Variants in FBXW7 observed in about 807,000 individuals in gnomAD.
FBXW7 encodes F-box/WD repeat-containing protein 7.
A neutral mutation model predicts 86.3 loss-of-function variants in FBXW7; 11 were observed. The ratio of observed to expected loss-of-function variants is 0.13; its 90% CI spans 0.08 to 0.21. The LOEUF is 0.21. Among genes scored for constraint, FBXW7 ranks in the 10% least tolerant of loss-of-function variants. FBXW7 has a pLI of 1.00. For missense variants in FBXW7, 488 were observed against 847.4 expected, an observed-to-expected ratio of 0.58 and a Z score of 5.27; for synonymous variants, 313 against 297.9, an observed-to-expected ratio of 1.05 and a Z score of -0.52.
chr4:152,473,764 C>T lies in FBXW7; in HGVS notation c.-120+61177G>A, dbSNP rs565758251. ...CTCCAAGCATGAAACATGCTTCTTCCAATTCAGATACTTATCTTTCTAAAT... is the reference window on the plus strand; with the variant it reads ...CTCCAAGCATGAAACATGCTTCTTCTAATTCAGATACTTATCTTTCTAAAT... On this transcript the variant is annotated intron_variant, in intron 2 of 13. Coordinates refer to ENST00000281708, the MANE Select transcript of FBXW7 (RefSeq NM_001349798.2). Among the ~76,000 whole-genome samples, 7 of 152,218 alleles carry T rather than the reference C, an allele frequency of 4.6e-5. No individual in the cohort carries two copies. The South Asian group carries it at 1.2e-3, about 27-fold the overall frequency.
chr4:152,373,682 C>G (rs1734212707), intron 4 of FBXW7, among the ~76,000 whole-genome samples: 1 of 152,024 alleles, frequency 6.6e-6, no homozygotes, highest in Non-Finnish European at 1.5e-5. Flanking sequence ...GAAGCCCTTC[C>G]TGAACCACTC....
chr4:152,352,619 T>C (rs1731932484), intron 4 of FBXW7: 1 of 1,613,878 alleles, frequency 6.2e-7, no homozygotes, highest in Non-Finnish European at 8.5e-7. Flanking sequence ...GATTCTAATG[T>C]GGACATGCTC....
intron 2 of FBXW7, among the ~76,000 whole-genome samples, chr4:152,447,219 G>A (rs1385584333): frequency 6.6e-6 from 1 of 152,140 alleles, no homozygotes; most frequent in Non-Finnish European, 1.5e-5. Context: ...TTCTACTACA[G>A]TAAATTGTTA....
intron 2 of FBXW7, among the ~76,000 whole-genome samples, chr4:152,524,542 A>G (rs937296412): frequency 3.3e-5 from 5 of 152,208 alleles, no homozygotes; most frequent in African/African-American, 9.7e-5. Flanking sequence ...CCAATAATCT[A>G]ATCATCATTT....
chr4:152,330,514 C>CA (rs1729455330), intron 9 of FBXW7, among the ~76,000 whole-genome samples: 2 of 151,930 alleles, frequency 1.3e-5, no homozygotes, highest in Admixed American at 1.3e-4. Flanking sequence ...AAAAGATACT[C>CA]AATTTAACTT....
intron 2 of FBXW7, among the ~76,000 whole-genome samples, chr4:152,499,658 AG>A (rs1560972118): frequency 6.6e-6 from 1 of 152,068 alleles, no homozygotes; most frequent in Non-Finnish European, 1.5e-5. Context: ...AACTGCAAAA[AG>A]GGGGCAGCCT....
At chr4:152,328,179 G>A (rs1729230631) in intron 11 of FBXW7, 29 bp downstream of exon 11, 2 of 1,545,498 alleles carry the variant, frequency 1.3e-6, no homozygotes, top group East Asian at 2.5e-5. Flanking sequence ...AGAGGAAGAA[G>A]TCCCAACCAT....
intron 2 of FBXW7, among the ~76,000 whole-genome samples, chr4:152,508,654 C>CAAAAA (rs1206694443): frequency 1.0e-5 from 1 of 95,488 alleles, no homozygotes. Flanking sequence ...CGTGCCACTG[C>CAAAAA]AAAAAAAAAA....
chr4:152,482,833 T>A (rs1302241400), intron 2 of FBXW7, among the ~76,000 whole-genome samples: 3 of 152,176 alleles, frequency 2.0e-5, no homozygotes, highest in Non-Finnish European at 2.9e-5. Flanking sequence ...TTCCTAATAA[T>A]ATTAATAGGT....
At chr4:152,370,472 G>C (rs1388287002) in intron 4 of FBXW7, among the ~76,000 whole-genome samples, 1 of 151,906 alleles carries the variant, frequency 6.6e-6, no homozygotes, top group African/African-American at 2.4e-5. Context: ...ACTTGAGGAA[G>C]AAAGTTCAAA....
chr4:152,382,805 C>A (rs1413463696), intron 4 of FBXW7, among the ~76,000 whole-genome samples: 1 of 151,958 alleles, frequency 6.6e-6, no homozygotes. Flanking sequence ...CAAATGTCAG[C>A]ATTAATATTT....
chr4:152,473,129 A>C (rs1170052145), intron 2 of FBXW7, among the ~76,000 whole-genome samples: 1 of 152,194 alleles, frequency 6.6e-6, no homozygotes, highest in Non-Finnish European at 1.5e-5. Flanking sequence ...CTGTAGTCCC[A>C]GCTACTCAGG....
At chr4:152,351,726 T>TA (rs1255824454) in intron 4 of FBXW7, among the ~76,000 whole-genome samples, 6 of 152,132 alleles carry the variant, frequency 3.9e-5, no homozygotes, top group African/African-American at 1.2e-4. Context: ...GAAACTTTGA[T>TA]ATTTATTCTA....
intron 4 of FBXW7, among the ~76,000 whole-genome samples, chr4:152,384,557 A>T (rs1735368928): frequency 6.6e-6 from 1 of 152,050 alleles, no homozygotes; most frequent in Admixed American, 6.6e-5. Flanking sequence ...GTTGGCACAG[A>T]GTTTCAGTAG....
chr4:152,386,101 A>G (rs951363430), intron 4 of FBXW7, among the ~76,000 whole-genome samples: 2 of 152,114 alleles, frequency 1.3e-5, no homozygotes, highest in Non-Finnish European at 2.9e-5. Flanking sequence ...AGCTAATTCC[A>G]TGTGTTCAAG....
intron 2 of FBXW7, among the ~76,000 whole-genome samples, chr4:152,425,997 C>T (rs1166004080): frequency 2.6e-5 from 4 of 152,172 alleles, no homozygotes; most frequent in African/African-American, 7.2e-5. Context: ...GCCTACACCC[C>T]AAGAATTTAT....
chr4:152,413,644 A>G (rs1738176729), intron 2 of FBXW7, among the ~76,000 whole-genome samples: 1 of 152,144 alleles, frequency 6.6e-6, no homozygotes, highest in South Asian at 2.1e-4. Context: ...CTTCTTTTCC[A>G]AAACTCGAAT....
chr4:152,511,561 T>C (rs1156811798), intron 2 of FBXW7, among the ~76,000 whole-genome samples: 2 of 152,196 alleles, frequency 1.3e-5, no homozygotes, highest in African/African-American at 2.4e-5. Context: ...TATGAAATGA[T>C]ACATGTACAA....
intron 8 of FBXW7, among the ~76,000 whole-genome samples, chr4:152,331,142 C>T (rs148931990): frequency 2.6e-5 from 4 of 152,070 alleles, no homozygotes; most frequent in African/African-American, 7.2e-5. Flanking sequence ...AATGCTTGTG[C>T]AAATGGTGCA....
Sources: gnomAD v4.1 joint callset for allele counts (sites outside exome capture counted in the v4.1 genomes callset) on GRCh38, gnomAD v4.1.1 for gene constraint, MANE v1.5 for transcripts, NCBI Gene and HGNC (gene_info 2026-07-23, HGNC 2026-07-21) for gene names.